Variants in NIPSNAP1 observed in about 807,000 individuals in gnomAD.
The protein encoded by NIPSNAP1 is nipsnap homolog 1.
In NIPSNAP1, 25 loss-of-function variants were observed where a neutral mutation model predicts 49.2. The observed-to-expected ratio is 0.51, with a 90% CI of 0.37 to 0.71. The LOEUF (loss-of-function observed/expected upper bound fraction) is 0.71, where lower values mean the gene tolerates loss of function less well. Among genes scored for constraint, NIPSNAP1 ranks in the 30% least tolerant of loss-of-function variants. NIPSNAP1 has a pLI of 0.00. For synonymous variants in NIPSNAP1, 143 were observed against 140.7 expected, an observed-to-expected ratio of 1.02 and a Z score of -0.12; for missense variants, 294 against 361.0, an observed-to-expected ratio of 0.81 and a Z score of 1.50.
intron 4 of NIPSNAP1, among the ~76,000 whole-genome samples, chr22:29,567,388 A>G (rs2064375368): frequency 6.6e-6 from 1 of 152,126 alleles, no homozygotes; most frequent in Non-Finnish European, 1.5e-5. Flanking sequence ...CATATTGGGG[A>G]TTCACCCATA....
intron 9 of NIPSNAP1, among the ~76,000 whole-genome samples, chr22:29,558,179 G>C (rs13055916): frequency 7.9e-5 from 12 of 152,202 alleles, no homozygotes; most frequent in Non-Finnish European, 1.3e-4. Context: ...TTTCATAAAT[G>C]AGTTTGTGGG....
chr22:29,556,047 AC>A (rs1159022111), intron 9 of NIPSNAP1, 48 bp from the exon 10 acceptor site: 2 of 1,513,506 alleles, frequency 1.3e-6, no homozygotes, highest in Admixed American at 3.9e-5. Context: ...AAGCAAGCCA[AC>A]AACCTCCCCT....
Position 29,555,666 on chromosome 22 carries a change from A to C in NIPSNAP1, c.*269T>G. On this transcript the variant is annotated 3_prime_UTR_variant, in exon 10 of 10. Coordinates refer to ENST00000216121, the MANE Select transcript of NIPSNAP1 (RefSeq NM_003634.4). ...ATGAGGAATTTTAGAAGATAAATGA[A>C]GGCCTAAAAGATCACTATCTTTCAT... is the stretch of plus-strand genomic sequence containing the variant. The C allele has an allele frequency of 2.1e-6, 1 of 477,672 alleles. No individual in the cohort carries two copies. Among genetic ancestry groups the C allele is most frequent in the South Asian group, 2.2e-5 (1 of 45,806 alleles). 29.6% of individuals were successfully genotyped at this position (477,672 alleles called of 1,614,324 possible).
intron 4 of NIPSNAP1, 107 bp downstream of exon 4, chr22:29,569,086 C>T: frequency 1.2e-6 from 1 of 840,252 alleles, no homozygotes; most frequent in Non-Finnish European, 2.0e-6. Context: ...TAGTAAGAGC[C>T]CCACCAGGTG....
At position 29,576,725 on chromosome 22, in the gene NIPSNAP1, A is replaced by G. The variant is rs12165601; in HGVS notation, c.98+4260T>C. Among the ~76,000 whole-genome samples the G allele has an allele frequency of 2.3e-4, 35 of 151,404 alleles. 1 individual carries two copies. The highest frequency in any genetic ancestry group is 4.1e-4 in the Non-Finnish European group (28 of 68,032). On this transcript the variant is annotated intron_variant, in intron 1 of 9. Transcript: ENST00000216121. ...TGGATCACAAGGTCAGGAGTTCAAG[A>G]CCAGCCTGGCCAAGATGGTGAAACC...
intron 1 of NIPSNAP1, among the ~76,000 whole-genome samples, chr22:29,579,104 G>A (rs552438499): frequency 2.0e-5 from 3 of 150,436 alleles, no homozygotes; most frequent in African/African-American, 7.5e-5. Context: ...ACGGAGTCTC[G>A]CTCTGTCACC....
intron 9 of NIPSNAP1, 136 bp from the exon 10 acceptor site, chr22:29,556,135 C>A: frequency 4.3e-6 from 3 of 704,788 alleles, no homozygotes. Flanking sequence ...TCCCATTGCC[C>A]TCGTGGAAGG....
chr22:29,561,407 G>C (rs1294779030), intron 6 of NIPSNAP1, 99 bp downstream of exon 6: 2 of 1,556,192 alleles, frequency 1.3e-6, no homozygotes, highest in Non-Finnish European at 1.8e-6. Flanking sequence ...CATAGGGAGG[G>C]AGAAGCCAGA....
At chr22:29,577,373 C>T (rs2064460826) in intron 1 of NIPSNAP1, among the ~76,000 whole-genome samples, 2 of 151,106 alleles carry the variant, frequency 1.3e-5, no homozygotes, top group Non-Finnish European at 2.9e-5. Context: ...CTGCCTCAGC[C>T]TCCGGAGTAG....
intron 4 of NIPSNAP1, among the ~76,000 whole-genome samples, chr22:29,563,525 TC>T (rs1218343714): frequency 6.6e-6 from 1 of 152,026 alleles, no homozygotes; most frequent in African/African-American, 2.4e-5. Context: ...AGACTCCGTC[TC>T]AAAAAATAAA....
At chr22:29,562,036 A>G (rs1382712499) in intron 4 of NIPSNAP1, among the ~76,000 whole-genome samples, 174 bp from the exon 5 acceptor site, 3 of 151,940 alleles carry the variant, frequency 2.0e-5, no homozygotes, top group Admixed American at 2.0e-4. Flanking sequence ...GGAGGGGATG[A>G]CCCTAGACAC....
At chr22:29,564,504 C>T (rs371564083) in intron 4 of NIPSNAP1, 255 of 439,192 alleles carry the variant, frequency 5.8e-4, no homozygotes, top group African/African-American at 4.8e-3. Flanking sequence ...ACATCCACCT[C>T]CTGGATTTAA....
chr22:29,577,922 A>G (rs1312462950), intron 1 of NIPSNAP1, among the ~76,000 whole-genome samples: 1 of 116,916 alleles, frequency 8.6e-6, no homozygotes, highest in African/African-American at 3.7e-5. Flanking sequence ...TTTTTGAGAC[A>G]GAGTCTTGCT....
chr22:29,562,240 G>C (rs1164415524), intron 4 of NIPSNAP1, among the ~76,000 whole-genome samples: 2 of 152,162 alleles, frequency 1.3e-5, no homozygotes, highest in African/African-American at 4.8e-5. Context: ...GCCTTAGAGG[G>C]GCAGCTGAAC....
rs772423722 is a variant in NIPSNAP1 at position 29,555,923 on chromosome 22, G to C, written c.*12C>G. On this transcript the variant is annotated 3_prime_UTR_variant, in exon 10 of 10. Coordinates refer to ENST00000216121, the MANE Select transcript of NIPSNAP1 (RefSeq NM_003634.4). Reference sequence around the variant, plus strand: ...GAGGGAGAAGGGGAAGGAGGTGGAGGTGTAGGCAGCATCACTGCAGAGGCG... The same window carrying C: ...GAGGGAGAAGGGGAAGGAGGTGGAGCTGTAGGCAGCATCACTGCAGAGGCG... The C allele has an allele frequency of 1.3e-6, 2 of 1,551,250 alleles. No individual in the cohort carries two copies. Among genetic ancestry groups the C allele is most frequent in the Non-Finnish European group, 1.7e-6 (2 of 1,146,438 alleles).
rs1472289368 is a variant in NIPSNAP1, at chr22:29,570,176, G to C, written c.258C>G (p.Ala86=). ...FHNVKPEYLD[A]YNSLTEAVLP... ...AGGGTGCTCACGTGAGGCTGTTGTA[G>C]GCATCCAGGTATTCAGGCTTTACAT... The change falls in exon 3 of 10, where the codon GCC becomes GCG. Residue 86 remains alanine (A), a synonymous_variant. Coordinates refer to ENST00000216121, the MANE Select transcript of NIPSNAP1 (RefSeq NM_003634.4). 2.5e-6 allele frequency: 4 copies of C among 1,613,962 alleles called. No individual in the cohort carries two copies. The highest frequency in any genetic ancestry group is 3.4e-6 in the Non-Finnish European group (4 of 1,179,988).
intron 1 of NIPSNAP1, among the ~76,000 whole-genome samples, chr22:29,579,289 CTTTTTTT>C (rs34084606): frequency 5.2e-5 from 3 of 57,374 alleles, no homozygotes; most frequent in East Asian, 7.3e-4. Flanking sequence ...AATTTTTGTA[CTTTTTTT>C]TTTTTTTTTT....
chr22:29,562,742 T>C (rs569778013), intron 4 of NIPSNAP1, among the ~76,000 whole-genome samples: 1 of 152,098 alleles, frequency 6.6e-6, no homozygotes, highest in Admixed American at 6.6e-5. Flanking sequence ...AATGGAGGCC[T>C]GTGGGGCCTC....
At chr22:29,562,790 T>C (rs1381574933) in intron 4 of NIPSNAP1, among the ~76,000 whole-genome samples, 1 of 151,950 alleles carries the variant, frequency 6.6e-6, no homozygotes, top group African/African-American at 2.4e-5. Context: ...GAAAACTCTT[T>C]GTACTGTTAG....
Sources: gnomAD v4.1 joint callset for allele counts (sites outside exome capture counted in the v4.1 genomes callset) on GRCh38, gnomAD v4.1.1 for gene constraint, MANE v1.5 for transcripts, NCBI Gene and HGNC (gene_info 2026-07-23, HGNC 2026-07-21) for gene names.